DLGAP2: variants seen among roughly 807,000 people sequenced by gnomAD.
DLGAP2 encodes disks large-associated protein 2.
In DLGAP2, 26 loss-of-function variants were observed where a neutral mutation model predicts 100.3. That is an observed-to-expected ratio of 0.26 (90% confidence interval 0.19 to 0.36). DLGAP2 has a LOEUF of 0.36. Among genes scored for constraint, DLGAP2 ranks in the 10% least tolerant of loss-of-function variants. The pLI, the probability that DLGAP2 is intolerant of heterozygous loss-of-function variation, is 1.00. For synonymous variants in DLGAP2, 886 were observed against 630.1 expected, an observed-to-expected ratio of 1.41 and a Z score of -6.08; for missense variants, 1,858 against 1,453.2, an observed-to-expected ratio of 1.28 and a Z score of -4.53.
At chr8:891,741 C>A (rs1387290434) in intron 1 of DLGAP2, 2 of 152,294 alleles carry the variant, frequency 1.3e-5, no homozygotes, top group Admixed American at 6.5e-5. Flanking sequence ...CTAAAAGACA[C>A]TGTGGAGTGC....
chr8:1,210,417 C>G (rs576797711), intron 2 of DLGAP2, among the ~76,000 whole-genome samples: 2 of 152,338 alleles, frequency 1.3e-5, no homozygotes, highest in South Asian at 2.1e-4. Context: ...AGGGCTGACC[C>G]TGTTAAAGAG....
At chr8:1,176,190 A>T (rs1215328683) in intron 2 of DLGAP2, among the ~76,000 whole-genome samples, 2 of 146,238 alleles carry the variant, frequency 1.4e-5, no homozygotes, top group East Asian at 4.0e-4. Flanking sequence ...CACGTGTTAC[A>T]TGGCGGTAGG....
At chr8:1,296,450 G>T (rs901573574) in intron 3 of DLGAP2, among the ~76,000 whole-genome samples, 2 of 152,178 alleles carry the variant, frequency 1.3e-5, no homozygotes, top group Non-Finnish European at 2.9e-5. Context: ...TGTTATCATT[G>T]GAGATTTCTT....
At chr8:1,192,092 C>G (rs1585138240) in intron 2 of DLGAP2, among the ~76,000 whole-genome samples, 1 of 152,136 alleles carries the variant, frequency 6.6e-6, no homozygotes, top group Non-Finnish European at 1.5e-5. Context: ...GTGTGCGTGG[C>G]CCCTGCACTT....
intron 3 of DLGAP2, among the ~76,000 whole-genome samples, chr8:1,371,545 T>C (rs1435275806): frequency 1.3e-5 from 2 of 152,220 alleles, no homozygotes; most frequent in African/African-American, 2.4e-5. Context: ...GGAAATCTCT[T>C]CTGCAGAACT....
intron 4 of DLGAP2, among the ~76,000 whole-genome samples, chr8:1,506,538 G>A (rs1032518386): frequency 3.3e-5 from 5 of 152,196 alleles, no homozygotes; most frequent in Admixed American, 6.5e-5. Flanking sequence ...CCCAAAGAGT[G>A]AGCAACAGCA....
chr8:1,650,343 T>A (rs1798134458), intron 8 of DLGAP2, among the ~76,000 whole-genome samples: 1 of 152,238 alleles, frequency 6.6e-6, no homozygotes, highest in Non-Finnish European at 1.5e-5. Context: ...CTTCTTCTTA[T>A]CAGTGTTGGA....
At chr8:1,036,316 A>G (rs1464968359) in intron 2 of DLGAP2, among the ~76,000 whole-genome samples, 4 of 152,270 alleles carry the variant, frequency 2.6e-5, no homozygotes, top group Non-Finnish European at 4.4e-5. Flanking sequence ...TAAACATGCC[A>G]CAGCACCCCA....
chr8:1,376,978 A>C (rs907824437), intron 3 of DLGAP2, among the ~76,000 whole-genome samples: 1 of 152,234 alleles, frequency 6.6e-6, no homozygotes, highest in African/African-American at 2.4e-5. Flanking sequence ...CCATGCAATT[A>C]ACAGAGTGCA....
intron 2 of DLGAP2, among the ~76,000 whole-genome samples, chr8:1,086,042 T>C (rs1205965746): frequency 6.6e-6 from 1 of 152,198 alleles, no homozygotes; most frequent in Non-Finnish European, 1.5e-5. Context: ...AATGGGATTG[T>C]TCTCTTGATT....
chr8:1,292,688 G>C (rs969843547), intron 3 of DLGAP2, among the ~76,000 whole-genome samples: 3 of 152,176 alleles, frequency 2.0e-5, no homozygotes, highest in Admixed American at 6.5e-5. Flanking sequence ...GACTGAGAAA[G>C]GTCGCGTGGA....
At chr8:928,470 C>T (rs1297067376) in intron 2 of DLGAP2, among the ~76,000 whole-genome samples, 2 of 152,156 alleles carry the variant, frequency 1.3e-5, no homozygotes, top group African/African-American at 4.8e-5. Context: ...AACAGGTCCC[C>T]AGCTTGGTGC....
At chr8:882,985 G>A (rs1038124366) in intron 1 of DLGAP2, among the ~76,000 whole-genome samples, 3 of 152,250 alleles carry the variant, frequency 2.0e-5, no homozygotes, top group Admixed American at 1.3e-4. Context: ...ACACTGACAA[G>A]CTTTGTTTCC....
At chr8:1,379,881 GCCTTC>G (rs1796052281) in intron 3 of DLGAP2, among the ~76,000 whole-genome samples, 1 of 83,444 alleles carries the variant, frequency 1.2e-5, no homozygotes, top group Non-Finnish European at 3.0e-5. Flanking sequence ...GATTTGGGGT[GCCTTC>G]CCTTCCCTCC....
At chr8:1,539,655 A>T (rs376977277) in intron 4 of DLGAP2, among the ~76,000 whole-genome samples, 5 of 150,788 alleles carry the variant, frequency 3.3e-5, no homozygotes, top group Non-Finnish European at 5.9e-5. Context: ...GGAGCTGTGA[A>T]GGGGCCACCT....
At position 1,316,944 on chromosome 8, in the gene DLGAP2, C is replaced by T. The variant is rs556460431; in HGVS notation, c.106+58061C>T. ...CCAACAGTGGTCTACACTCGAGACACTCGGCAGCGTTTAAAAATAGAGCGT... is the reference window on the plus strand; with the variant it reads ...CCAACAGTGGTCTACACTCGAGACATTCGGCAGCGTTTAAAAATAGAGCGT... On this transcript the variant is annotated intron_variant, in intron 3 of 14. Transcript: ENST00000637795. Among the ~76,000 whole-genome samples the T allele has an allele frequency of 1.3e-3, 123 of 94,954 alleles. 8 individuals carry two copies. Among genetic ancestry groups the T allele is most frequent in the African/African-American group, 5.1e-3 (115 of 22,550 alleles). 62.3% of individuals were successfully genotyped at this position (94,954 alleles called of 152,430 possible).
intron 2 of DLGAP2, among the ~76,000 whole-genome samples, chr8:1,215,010 C>T (rs961777023): frequency 2.0e-5 from 3 of 152,100 alleles, no homozygotes; most frequent in Non-Finnish European, 2.9e-5. Flanking sequence ...TCTCACTGCC[C>T]ACTTCTGTGT....
At chr8:1,211,583 T>C (rs1278103400) in intron 2 of DLGAP2, among the ~76,000 whole-genome samples, 1 of 152,204 alleles carries the variant, frequency 6.6e-6, no homozygotes, top group Non-Finnish European at 1.5e-5. Flanking sequence ...CATTAATCAA[T>C]ACTGATTTGT....
chr8:920,514 G>C (rs1370738094), intron 2 of DLGAP2, among the ~76,000 whole-genome samples: 3 of 152,180 alleles, frequency 2.0e-5, no homozygotes, highest in African/African-American at 4.8e-5. Context: ...CCAGCACTTT[G>C]GCAGGCAGAG....
Sources: gnomAD v4.1 joint callset for allele counts (sites outside exome capture counted in the v4.1 genomes callset) on GRCh38, gnomAD v4.1.1 for gene constraint, MANE v1.5 for transcripts, NCBI Gene and HGNC (gene_info 2026-07-23, HGNC 2026-07-21) for gene names.